TENM3: variants seen among roughly 807,000 people sequenced by gnomAD.
TENM3 encodes the protein teneurin-3.
A neutral mutation model predicts 255.1 loss-of-function variants in TENM3; 63 were observed. The ratio of observed to expected loss-of-function variants is 0.25; its 90% CI spans 0.20 to 0.30. The LOEUF (loss-of-function observed/expected upper bound fraction) is 0.30. Ranked by LOEUF, TENM3 falls within the 10% of genes least tolerant of loss-of-function variation. The pLI is 1.00. For missense variants in TENM3, 2,929 were observed against 3,461.1 expected, an observed-to-expected ratio of 0.85 and a Z score of 3.86; for synonymous variants, 1,306 against 1,322.3, an observed-to-expected ratio of 0.99 and a Z score of 0.27.
At chr4:182,742,546 A>G (rs7669812) in intron 18 of TENM3, among the ~76,000 whole-genome samples, 2,392 of 152,302 alleles carry the variant, frequency 0.016, 72 homozygotes, top group African/African-American at 0.055. Flanking sequence ...TTTGATGTCT[A>G]TTTTCTACCT....
At chr4:181,809,710 G>A in the TENM3 span, among the ~76,000 whole-genome samples, 1 of 152,166 alleles carries the variant, frequency 6.6e-6, no homozygotes, top group Non-Finnish European at 1.5e-5. Flanking sequence ...TTTAAATTAA[G>A]GATCCTGAGA....
At chr4:181,905,301 C>T in the TENM3 span, among the ~76,000 whole-genome samples, 1 of 152,100 alleles carries the variant, frequency 6.6e-6, no homozygotes, top group Non-Finnish European at 1.5e-5. Flanking sequence ...GCTTTGTTTA[C>T]AACATAGATA....
the TENM3 span, among the ~76,000 whole-genome samples, chr4:181,599,876 G>A: frequency 6.6e-6 from 1 of 151,860 alleles, no homozygotes; most frequent in African/African-American, 2.4e-5. Context: ...ATTAACACTT[G>A]TGAATATATC....
At chr4:181,531,463 T>C in the TENM3 span, among the ~76,000 whole-genome samples, 1 of 152,204 alleles carries the variant, frequency 6.6e-6, no homozygotes, top group Non-Finnish European at 1.5e-5. Flanking sequence ...ATGTTCTTTC[T>C]ACCCTCTGGA....
intron 12 of TENM3, among the ~76,000 whole-genome samples, chr4:182,705,908 A>G (rs1293596334): frequency 2.0e-5 from 3 of 152,160 alleles, no homozygotes; most frequent in Admixed American, 1.3e-4. Flanking sequence ...TGGTTTTCCA[A>G]ACTTCGGATT....
At chr4:182,732,592 A>C (rs1033211518) in intron 16 of TENM3, among the ~76,000 whole-genome samples, 1 of 152,186 alleles carries the variant, frequency 6.6e-6, no homozygotes, top group Non-Finnish European at 1.5e-5. Flanking sequence ...TTGGGAGGCC[A>C]AGGCAGGAGG....
At chr4:181,531,625 C>T in the TENM3 span, among the ~76,000 whole-genome samples, 94 of 152,278 alleles carry the variant, frequency 6.2e-4, no homozygotes, top group African/African-American at 2.0e-3. Context: ...AGCTGGGATT[C>T]TTACTTTATG....
At chr4:182,778,065 G>A (rs549341355) in intron 24 of TENM3, among the ~76,000 whole-genome samples, 1 of 152,058 alleles carries the variant, frequency 6.6e-6, no homozygotes, top group South Asian at 2.1e-4. Flanking sequence ...TTACTTGTTT[G>A]CAGCTCATTT....
At chr4:182,094,183 G>A in the TENM3 span, among the ~76,000 whole-genome samples, 1 of 152,044 alleles carries the variant, frequency 6.6e-6, no homozygotes, top group Non-Finnish European at 1.5e-5. Context: ...GAACACTACA[G>A]AGGAGCAACA....
the TENM3 span, among the ~76,000 whole-genome samples, chr4:181,947,810 A>G: frequency 6.6e-6 from 1 of 152,176 alleles, no homozygotes; most frequent in Non-Finnish European, 1.5e-5. Flanking sequence ...TCTGAACTGT[A>G]AAATGAATCT....
the TENM3 span, among the ~76,000 whole-genome samples, chr4:182,082,375 T>C: frequency 6.6e-6 from 1 of 152,194 alleles, no homozygotes; most frequent in Non-Finnish European, 1.5e-5. Flanking sequence ...AATACCATCA[T>C]CTTGGGAGTC....
the TENM3 span, among the ~76,000 whole-genome samples, chr4:182,014,319 T>G: frequency 2.0e-5 from 3 of 151,946 alleles, no homozygotes. Flanking sequence ...GGTTAGCCTA[T>G]ATATGGTGCC....
intron 1 of TENM3, among the ~76,000 whole-genome samples, chr4:182,269,518 G>A (rs1191657079): frequency 6.6e-6 from 1 of 151,984 alleles, no homozygotes; most frequent in African/African-American, 2.4e-5. Context: ...AGCCAACAAG[G>A]AATCAGCCCC....
At chr4:182,075,066 A>G in the TENM3 span, among the ~76,000 whole-genome samples, 18 of 152,154 alleles carry the variant, frequency 1.2e-4, no homozygotes, top group Non-Finnish European at 2.1e-4. Flanking sequence ...TCCACACCGC[A>G]TGGCTCAGCT....
At chr4:181,553,907 C>CA in the TENM3 span, among the ~76,000 whole-genome samples, 3 of 152,098 alleles carry the variant, frequency 2.0e-5, no homozygotes, top group African/African-American at 7.2e-5. Context: ...AATCCTGCTC[C>CA]ATCCCCCCGC....
At chr4:181,571,594 T>C in the TENM3 span, among the ~76,000 whole-genome samples, 22 of 152,218 alleles carry the variant, frequency 1.4e-4, no homozygotes, top group Admixed American at 1.2e-3. Flanking sequence ...TGCCTCAGCC[T>C]TCCAAAGCAC....
chr4:182,322,746 G>A (rs1035492771), intron 1 of TENM3, among the ~76,000 whole-genome samples: 2 of 152,168 alleles, frequency 1.3e-5, no homozygotes, highest in Non-Finnish European at 2.9e-5. Flanking sequence ...GACAGACCAA[G>A]ACTGAGACCA....
the TENM3 span, among the ~76,000 whole-genome samples, chr4:181,959,934 C>A: frequency 6.6e-6 from 1 of 152,110 alleles, no homozygotes; most frequent in Non-Finnish European, 1.5e-5. Flanking sequence ...TGTTTACATC[C>A]TTTAAACTGG....
At chr4:182,451,584 T>G (rs1773466320) in intron 3 of TENM3, among the ~76,000 whole-genome samples, 1 of 152,202 alleles carries the variant, frequency 6.6e-6, no homozygotes, top group Non-Finnish European at 1.5e-5. Context: ...TAATTAATGC[T>G]GTAAAATAGA....
Sources: gnomAD v4.1 joint callset for allele counts (sites outside exome capture counted in the v4.1 genomes callset) on GRCh38, gnomAD v4.1.1 for gene constraint, MANE v1.5 for transcripts, NCBI Gene and HGNC (gene_info 2026-07-23, HGNC 2026-07-21) for gene names.